ADAM12: variants seen among roughly 807,000 people sequenced by gnomAD.
The protein encoded by ADAM12 is disintegrin and metalloproteinase domain-containing protein 12.
ADAM12 carries 70 observed loss-of-function variants against 106.4 expected under a neutral mutation model. That is an observed-to-expected ratio of 0.66 (90% CI 0.54 to 0.80). ADAM12 has a LOEUF of 0.80. Among genes scored for constraint, ADAM12 ranks in the 30% least tolerant of loss-of-function variants. The probability of loss-of-function intolerance (pLI) is 0.00; values close to 1 mark genes in which losing one functional copy is unlikely to be tolerated. For synonymous variants in ADAM12, 420 were observed against 433.5 expected, an observed-to-expected ratio of 0.97 and a Z score of 0.39; for missense variants, 1,010 against 1,171.9, an observed-to-expected ratio of 0.86 and a Z score of 2.02.
chr10:126,218,490 A>T (rs1478043114), intron 3 of ADAM12, among the ~76,000 whole-genome samples: 15 of 152,158 alleles, frequency 9.9e-5, no homozygotes, highest in Non-Finnish European at 2.9e-5. Context: ...CCAACAAGAG[A>T]CATACTGAGG....
intron 5 of ADAM12, among the ~76,000 whole-genome samples, chr10:126,119,362 C>T (rs185203286): frequency 3.8e-4 from 58 of 152,300 alleles, no homozygotes; most frequent in Non-Finnish European, 7.4e-4. Context: ...GCTATGTCAT[C>T]GAGTCAAAAC....
chr10:126,278,053 C>T (rs910758069), intron 3 of ADAM12, among the ~76,000 whole-genome samples: 32 of 152,282 alleles, frequency 2.1e-4, no homozygotes, highest in African/African-American at 7.0e-4. Context: ...GCGACCTCTA[C>T]TCTTGTTTCA....
intron 14 of ADAM12, among the ~76,000 whole-genome samples, chr10:126,051,536 C>CCAGCCAGCCACCCAT (rs1954490578): frequency 8.4e-6 from 1 of 118,892 alleles, no homozygotes; most frequent in Non-Finnish European, 1.8e-5. Flanking sequence ...CAGCCAGCCA[C>CCAGCCAGCCACCCAT]CCATCCATCC....
intron 3 of ADAM12, among the ~76,000 whole-genome samples, chr10:126,165,735 C>G (rs1002687801): frequency 6.6e-6 from 1 of 152,174 alleles, no homozygotes; most frequent in African/African-American, 2.4e-5. Flanking sequence ...AACCAAATTC[C>G]GTATTTTTCT....
intron 1 of ADAM12, among the ~76,000 whole-genome samples, chr10:126,360,464 T>C (rs561362905): frequency 6.6e-6 from 1 of 152,342 alleles, no homozygotes; most frequent in African/African-American, 2.4e-5. Flanking sequence ...TTCCTCCAGA[T>C]ACCCTAAATC....
Position 126,027,122 on chromosome 10 carries a change from A to T in ADAM12, c.2530-7297T>A, listed in dbSNP as rs976633078. Among the ~76,000 whole-genome samples the T allele has an allele frequency of 2.6e-5, 4 of 152,204 alleles. No individual in the cohort carries two copies. The East Asian group carries it at 7.7e-4, about 29-fold the overall frequency. The stretch of plus-strand genomic sequence containing the variant: ...ATCAGAGAATACTATAAACACCTCT[A>T]TGCACATAAACTAGAAAATCTAGAG... On this transcript the variant is annotated intron_variant, in intron 21 of 22. Coordinates refer to ENST00000448723, the MANE Select transcript of ADAM12 (RefSeq NM_001288973.2).
chr10:126,335,961 C>T (rs1272916214), intron 1 of ADAM12, among the ~76,000 whole-genome samples: 1 of 136,346 alleles, frequency 7.3e-6, no homozygotes, highest in Non-Finnish European at 1.6e-5. Flanking sequence ...TCAAAACTGT[C>T]AACATCATAA....
intron 21 of ADAM12, among the ~76,000 whole-genome samples, chr10:126,022,240 A>G (rs1233501258): frequency 6.6e-6 from 1 of 152,220 alleles, no homozygotes; most frequent in African/African-American, 2.4e-5. Flanking sequence ...TCTCTCAGGC[A>G]TGTCTCCTAC....
chr10:126,204,219 T>C (rs1016498736), intron 3 of ADAM12, among the ~76,000 whole-genome samples: 3 of 152,172 alleles, frequency 2.0e-5, no homozygotes, highest in African/African-American at 4.8e-5. Flanking sequence ...GGAAACTTTC[T>C]AGAAACATTT....
chr10:126,380,289 T>C (rs1590846158), intron 1 of ADAM12, among the ~76,000 whole-genome samples: 1 of 152,220 alleles, frequency 6.6e-6, no homozygotes, highest in Non-Finnish European at 1.5e-5. Flanking sequence ...CACATTTCAA[T>C]TGGCAAATAA....
intron 16 of ADAM12, among the ~76,000 whole-genome samples, chr10:126,048,986 T>C (rs1954399757): frequency 1.3e-5 from 2 of 152,230 alleles, no homozygotes; most frequent in African/African-American, 4.8e-5. Flanking sequence ...TCCAAAGTAA[T>C]TTCCTGGCTA....
At chr10:126,260,620 G>T (rs1469544409) in intron 3 of ADAM12, among the ~76,000 whole-genome samples, 1 of 152,236 alleles carries the variant, frequency 6.6e-6, no homozygotes, top group Non-Finnish European at 1.5e-5. Flanking sequence ...CAGATAACTT[G>T]TCAGGCTGTG....
At chr10:126,341,125 G>A (rs1375317568) in intron 1 of ADAM12, among the ~76,000 whole-genome samples, 1 of 152,078 alleles carries the variant, frequency 6.6e-6, no homozygotes, top group Non-Finnish European at 1.5e-5. Flanking sequence ...CCCTCAGAGA[G>A]TCTTCCCTAT....
At chr10:126,214,334 G>A (rs563743078) in intron 3 of ADAM12, among the ~76,000 whole-genome samples, 2 of 152,304 alleles carry the variant, frequency 1.3e-5, no homozygotes, top group Admixed American at 6.5e-5. Flanking sequence ...TAACGTGGGG[G>A]AGGGTAAGAG....
chr10:126,216,514 T>C (rs898190884), intron 3 of ADAM12, among the ~76,000 whole-genome samples: 1 of 152,208 alleles, frequency 6.6e-6, no homozygotes, highest in Non-Finnish European at 1.5e-5. Context: ...TCACAGCTTG[T>C]GATAGATCTG....
At chr10:126,384,637 T>C (rs1856597987) in intron 1 of ADAM12, among the ~76,000 whole-genome samples, 1 of 152,132 alleles carries the variant, frequency 6.6e-6, no homozygotes, top group African/African-American at 2.4e-5. Context: ...TGGATCATAT[T>C]GAAAGGAGGT....
chr10:126,248,128 C>T (rs1958665186), intron 3 of ADAM12, among the ~76,000 whole-genome samples: 1 of 152,152 alleles, frequency 6.6e-6, no homozygotes, highest in Non-Finnish European at 1.5e-5. Flanking sequence ...GCCTCAGTGT[C>T]CTCATCTGCA....
Position 126,152,589 on chromosome 10 carries a change from A to G in ADAM12, c.339+2638T>C, listed in dbSNP as rs1674908. On this transcript the variant is annotated intron_variant, in intron 4 of 22. Coordinates refer to ENST00000448723, the MANE Select transcript of ADAM12 (RefSeq NM_001288973.2). Reference sequence around the variant, plus strand: ...TTTTGTTTTGTTTTGCTTTTTTTTTAATTAAGATTTGTCTACAATATCTTT... The same window carrying G: ...TTTTGTTTTGTTTTGCTTTTTTTTTGATTAAGATTTGTCTACAATATCTTT... Among the ~76,000 whole-genome samples the G allele has an allele frequency of 5.8e-3, 867 of 150,782 alleles. 9 individuals carry two copies. Among genetic ancestry groups the G allele is most frequent in the African/African-American group, 0.02 (835 of 41,170 alleles).
Position 126,043,126 on chromosome 10 carries a change from C to T in ADAM12, c.2018G>A (p.Cys673Tyr). ...GRGVCNNRKNCHCEAHWAPPF... is the reference protein window; with the variant it reads ...GRGVCNNRKNYHCEAHWAPPF... ...AGGTGCCCAGTGGGCCTCGCAGTGGCAGTTCTTCCTGTTGTTGCACACCTT... is the reference window on the plus strand; with the variant it reads ...AGGTGCCCAGTGGGCCTCGCAGTGGTAGTTCTTCCTGTTGTTGCACACCTT... The change falls in exon 18 of 23, where the codon TGC becomes TAC. Residue 673 changes from cysteine (C) to tyrosine (Y), a missense_variant. Coordinates refer to ENST00000448723, the MANE Select transcript of ADAM12 (RefSeq NM_001288973.2). The surrounding 1 kb of genome is among the most constrained non-coding windows in gnomAD (Gnocchi z 4.1). 1 of 1,614,142 alleles carries T rather than the reference C, an allele frequency of 6.2e-7. No homozygotes were observed. Among genetic ancestry groups the T allele is most frequent in the Admixed American group, 1.7e-5 (1 of 60,026 alleles).
Sources: allele counts gnomAD v4.1 joint callset (sites outside exome capture counted in the v4.1 genomes callset), GRCh38; gene constraint gnomAD v4.1.1; non-coding constraint Gnocchi (gnomAD v3.1); transcripts MANE v1.5; gene names NCBI Gene and HGNC (gene_info 2026-07-23, HGNC 2026-07-21).